The following DISC1 variants were observed in gnomAD, a reference collection of about 807,000 sequenced individuals.
DISC1 encodes disrupted in schizophrenia 1 protein.
In DISC1, 57 loss-of-function variants were observed where a neutral mutation model predicts 84.5. The ratio of observed to expected loss-of-function variants is 0.67; its 90% confidence interval spans 0.55 to 0.84. The LOEUF is 0.84. Ranked by LOEUF, DISC1 falls within the 40% of genes least tolerant of loss-of-function variation. DISC1 has a pLI of 0.00. For synonymous variants in DISC1, 411 were observed against 415.2 expected, an observed-to-expected ratio of 0.99 and a Z score of 0.12; for missense variants, 1,000 against 1,057.8, an observed-to-expected ratio of 0.95 and a Z score of 0.76.
At chr1:231,811,837 A>G (rs1333246154) in intron 8 of DISC1, among the ~76,000 whole-genome samples, 1 of 152,220 alleles carries the variant, frequency 6.6e-6, no homozygotes, top group Admixed American at 6.5e-5. Flanking sequence ...TAGAACTCTG[A>G]AACTCTGTGA....
chr1:231,979,778 T>C, intron 10 of DISC1, among the ~76,000 whole-genome samples: 1 of 151,696 alleles, frequency 6.6e-6, no homozygotes, highest in East Asian at 1.9e-4. Flanking sequence ...AGAATAATAG[T>C]GATGTTATTA....
At chr1:231,653,379 G>A (rs1282670176) in intron 1 of DISC1, among the ~76,000 whole-genome samples, 2 of 152,186 alleles carry the variant, frequency 1.3e-5, no homozygotes, top group Admixed American at 6.5e-5. Flanking sequence ...CCTCTCCAGC[G>A]TGTGGTTTGC....
chr1:232,032,109 G>A (rs1395009963), intron 12 of DISC1, among the ~76,000 whole-genome samples: 1 of 152,164 alleles, frequency 6.6e-6, no homozygotes, highest in Non-Finnish European at 1.5e-5. Context: ...ATGTTCCAAT[G>A]AGCATTTCCT....
At chr1:232,023,666 T>TAA in intron 11 of DISC1, among the ~76,000 whole-genome samples, 1 of 152,320 alleles carries the variant, frequency 6.6e-6, no homozygotes, top group Non-Finnish European at 1.5e-5. Flanking sequence ...TAAATTTGTT[T>TAA]AATTTAGCTC....
intron 10 of DISC1, among the ~76,000 whole-genome samples, chr1:231,974,597 G>C (rs568611240): frequency 6.6e-6 from 1 of 152,248 alleles, no homozygotes; most frequent in South Asian, 2.1e-4. Context: ...AGAATCCCTA[G>C]AAAAACCTGG....
chr1:231,974,813 A>G (rs961807770), intron 10 of DISC1, among the ~76,000 whole-genome samples: 3 of 152,202 alleles, frequency 2.0e-5, no homozygotes, highest in African/African-American at 7.2e-5. Flanking sequence ...TTTAAGAAAT[A>G]TTTTAGGCCG....
intron 3 of DISC1, among the ~76,000 whole-genome samples, chr1:231,730,063 T>C (rs1191840596): frequency 6.6e-6 from 1 of 152,250 alleles, no homozygotes; most frequent in Non-Finnish European, 1.5e-5. Context: ...AGAGAGCCTG[T>C]AGTTTTTGAG....
At chr1:231,785,846 T>C (rs2077810649) in intron 6 of DISC1, among the ~76,000 whole-genome samples, 1 of 152,222 alleles carries the variant, frequency 6.6e-6, no homozygotes, top group Non-Finnish European at 1.5e-5. Flanking sequence ...AAGCCTCATA[T>C]ACACAGGCAG....
chr1:231,822,398 A>G (rs201200760), intron 9 of DISC1, among the ~76,000 whole-genome samples: 13 of 152,152 alleles, frequency 8.5e-5, no homozygotes, highest in Non-Finnish European at 1.3e-4. Context: ...TCTGAGAACG[A>G]TGGCTAACTG....
rs867093901 is a variant in DISC1, at chr1:231,694,492, T to C, written c.734T>C (p.Met245Thr). 1.2e-6 allele frequency: 2 copies of C among 1,614,246 alleles called. No individual in the cohort carries two copies. The highest frequency in any genetic ancestry group is 1.7e-6 in the Non-Finnish European group (2 of 1,180,050). ...TCCCATTGCCAGAGCCCCCAGGAGA[T>C]GGGAGCCAAAGCTGCCAGCTTGGAC... ...AESHCQSPQEMGAKAASLDGP... is the reference protein window; with the variant it reads ...AESHCQSPQETGAKAASLDGP... The change falls in exon 2 of 13, where the codon ATG becomes ACG. Residue 245 changes from methionine (M) to threonine (T), a missense_variant. Met to Thr is a moderately conservative substitution (Grantham distance 81). Around this residue, in one of 3 missense-constraint regions of DISC1, gnomAD observed 311 missense variants for 400.1 expected, o/e 0.78. Coordinates refer to ENST00000439617, the MANE Select transcript of DISC1 (RefSeq NM_018662.3).
chr1:231,667,386 C>T (rs555216955), intron 1 of DISC1, among the ~76,000 whole-genome samples: 1 of 152,180 alleles, frequency 6.6e-6, no homozygotes, highest in Non-Finnish European at 1.5e-5. Flanking sequence ...CCTGAGCCCT[C>T]CTGTTCCTGA....
rs76708747 is a variant in DISC1, at chr1:232,012,994, C to T, written c.2307+3945C>T. Among the ~76,000 whole-genome samples, 587 of 152,312 alleles carry T rather than the reference C, an allele frequency of 3.9e-3. 3 individuals are homozygous for T. The highest frequency in any genetic ancestry group is 0.034 in the Middle Eastern group (10 of 294). Reference sequence around the variant, plus strand: ...CCTTTCTGAGGACTCTGGAAACTATCAGCTGCTGTTGGCCCTGGTTCGTAG... The same window carrying T: ...CCTTTCTGAGGACTCTGGAAACTATTAGCTGCTGTTGGCCCTGGTTCGTAG... On this transcript the variant is annotated intron_variant, in intron 11 of 12. Transcript: ENST00000439617.
In DISC1 at chr1:231,784,459, G is replaced by A. The variant is rs113417052; in HGVS notation, c.1635-10783G>A. Among the ~76,000 whole-genome samples, 452 of 152,238 alleles carry A rather than the reference G, an allele frequency of 3.0e-3. 4 individuals carry two copies. Among genetic ancestry groups the A allele is most frequent in the African/African-American group, 0.01 (426 of 41,548 alleles). On this transcript the variant is annotated intron_variant, in intron 6 of 12. Coordinates refer to ENST00000439617, the MANE Select transcript of DISC1 (RefSeq NM_018662.3). ...CAGAGAAAGAGTCAAATAACTAAACGTTCAAGTATTTCCCTGGCCTAGTTT... is the reference window on the plus strand; with the variant it reads ...CAGAGAAAGAGTCAAATAACTAAACATTCAAGTATTTCCCTGGCCTAGTTT...
At chr1:231,972,304 C>G (rs201243929) in intron 10 of DISC1, among the ~76,000 whole-genome samples, 2 of 152,326 alleles carry the variant, frequency 1.3e-5, no homozygotes, top group South Asian at 2.1e-4. Flanking sequence ...AGATGTGCTT[C>G]TGTAAGATGT....
In DISC1 at chr1:231,736,393, G is replaced by A. The variant is rs143046000; in HGVS notation, c.1118-13533G>A. Among the ~76,000 whole-genome samples, 513 of 152,314 alleles carry A rather than the reference G, an allele frequency of 3.4e-3. 2 individuals are homozygous for A. Among genetic ancestry groups the A allele is most frequent in the Non-Finnish European group, 4.9e-3 (335 of 68,024 alleles). On this transcript the variant is annotated intron_variant, in intron 3 of 12. Coordinates refer to ENST00000439617, the MANE Select transcript of DISC1 (RefSeq NM_018662.3). ...CAGACTCTGCCTTTGCTATTTTCTT[G>A]CTGTGAGGCCTTGGGTAAATTACTT...
intron 9 of DISC1, among the ~76,000 whole-genome samples, chr1:231,841,818 A>G (rs1052260640): frequency 3.3e-5 from 5 of 152,230 alleles, no homozygotes; most frequent in African/African-American, 1.2e-4. Flanking sequence ...TTAATCAACT[A>G]CATAGTCAAC....
chr1:231,983,153 G>A (rs115328337), intron 10 of DISC1, among the ~76,000 whole-genome samples: 3,271 of 152,090 alleles, frequency 0.022, 64 homozygotes, highest in Non-Finnish European at 0.03. Flanking sequence ...GTAACCTGCT[G>A]GAAGTGCCTT....
At chr1:231,670,348 T>TA (rs2062485628) in intron 1 of DISC1, among the ~76,000 whole-genome samples, 1 of 152,068 alleles carries the variant, frequency 6.6e-6, no homozygotes, top group Non-Finnish European at 1.5e-5. Context: ...ACTTAAAAGT[T>TA]AAAAAAACAC....
At chr1:231,903,939 C>T (rs575488731) in intron 9 of DISC1, among the ~76,000 whole-genome samples, 3 of 152,326 alleles carry the variant, frequency 2.0e-5, no homozygotes, top group African/African-American at 7.2e-5. Context: ...TATAGAGAGT[C>T]AGGCTGGGCA....
Sources: allele counts gnomAD v4.1 joint callset (sites outside exome capture counted in the v4.1 genomes callset), GRCh38; gene constraint gnomAD v4.1.1; regional missense constraint gnomAD v4.1.1; transcripts MANE v1.5; gene names NCBI Gene and HGNC (gene_info 2026-07-23, HGNC 2026-07-21).